The following THSD4 variants were observed in gnomAD, a reference collection of about 807,000 sequenced individuals.
THSD4 encodes thrombospondin type-1 domain-containing protein 4.
Under a neutral mutation model 119.0 loss-of-function variants are expected in THSD4, and 69 were observed. The ratio of observed to expected loss-of-function variants is 0.58; its 90% CI spans 0.48 to 0.71. The LOEUF (loss-of-function observed/expected upper bound fraction) is 0.71. THSD4 is among the 30% of genes least tolerant of loss of function. THSD4 has a pLI of 0.00. For synonymous variants in THSD4, 524 were observed against 540.4 expected (o/e 0.97, Z 0.42); for missense variants, 1,393 against 1,391.1 (o/e 1.00, Z -0.02).
intron 6 of THSD4, among the ~76,000 whole-genome samples, chr15:71,338,719 CT>C (rs1442721026): frequency 6.6e-6 from 1 of 152,084 alleles, no homozygotes; most frequent in Non-Finnish European, 1.5e-5. Context: ...AAAAGACACC[CT>C]TAACTGGCCT....
chr15:71,499,722 A>C (rs2048083056), intron 7 of THSD4, among the ~76,000 whole-genome samples: 1 of 152,170 alleles, frequency 6.6e-6, no homozygotes, highest in Admixed American at 6.5e-5. Context: ...TGGCTACTTT[A>C]AATGCCTCAT....
At chr15:71,106,703 C>T (rs759461812) in intron 1 of THSD4, among the ~76,000 whole-genome samples, 8 of 151,976 alleles carry the variant, frequency 5.3e-5, no homozygotes, top group Non-Finnish European at 8.8e-5. Flanking sequence ...GTAACAAACT[C>T]AAATCTCAGT....
At chr15:71,414,555 A>T (rs2046733419) in intron 7 of THSD4, among the ~76,000 whole-genome samples, 1 of 152,230 alleles carries the variant, frequency 6.6e-6, no homozygotes, top group Non-Finnish European at 1.5e-5. Context: ...TATAGTTAAC[A>T]AAGAGCCAGA....
intron 7 of THSD4, among the ~76,000 whole-genome samples, chr15:71,655,332 G>A (rs1481007007): frequency 2.6e-5 from 4 of 152,084 alleles, no homozygotes; most frequent in African/African-American, 9.7e-5. Context: ...AACCTTGGCC[G>A]ATTTTGTTTT....
intron 7 of THSD4, among the ~76,000 whole-genome samples, chr15:71,447,869 G>C (rs772729908): frequency 6.6e-6 from 1 of 152,138 alleles, no homozygotes; most frequent in Non-Finnish European, 1.5e-5. Context: ...GCATGTCACT[G>C]CATGTTCTCA....
intron 8 of THSD4, among the ~76,000 whole-genome samples, chr15:71,700,258 C>A (rs536356276): frequency 4.6e-5 from 7 of 152,208 alleles, no homozygotes; most frequent in African/African-American, 1.4e-4. Flanking sequence ...ATCAAGTAAA[C>A]ATTTAAAACT....
chr15:71,170,777 G>T (rs530555000), intron 3 of THSD4, among the ~76,000 whole-genome samples: 5 of 152,132 alleles, frequency 3.3e-5, no homozygotes, highest in African/African-American at 1.2e-4. Context: ...TGAAAACAAA[G>T]ATATTAAAAA....
intron 7 of THSD4, chr15:71,547,372 G>T: frequency 6.5e-7 from 1 of 1,548,740 alleles, no homozygotes; most frequent in Non-Finnish European, 8.7e-7. Flanking sequence ...CTTGGCAGAC[G>T]GAGTTCTCCT....
intron 2 of THSD4, among the ~76,000 whole-genome samples, chr15:71,141,765 G>A (rs951851575): frequency 1.1e-4 from 16 of 152,146 alleles, no homozygotes; most frequent in Admixed American, 2.0e-4. Context: ...GCTTGGGGTC[G>A]AAGTCAATCT....
At chr15:71,170,910 A>T (rs751889750) in intron 3 of THSD4, among the ~76,000 whole-genome samples, 1 of 152,188 alleles carries the variant, frequency 6.6e-6, no homozygotes, top group Non-Finnish European at 1.5e-5. Context: ...AATATACTGG[A>T]TGGGATTAAT....
chr15:71,747,144 C>CA lies in THSD4; in HGVS notation c.2241+103dup, dbSNP rs2053356040. 2.2e-6 allele frequency: 3 copies of CA among 1,349,414 alleles called. No homozygotes were observed. The South Asian group carries it at 4.0e-5, about 18-fold the overall frequency. 83.6% of individuals were successfully genotyped at this position (1,349,414 alleles called of 1,614,324 possible). A position where few individuals can be genotyped will look rare whatever the true frequency, so the allele number is the denominator to read the frequency against. On this transcript the variant is annotated intron_variant, in intron 13 of 17. Coordinates refer to ENST00000261862, the MANE Select transcript of THSD4 (RefSeq NM_024817.3). ...CTGAGATGGGTAACCCTGAGTTCCA[C>CA]AGGAGGGAACCCGTCCCGTGGGGGT...
intron 14 of THSD4, among the ~76,000 whole-genome samples, chr15:71,750,876 C>T (rs867885589): frequency 7.9e-5 from 12 of 152,178 alleles, no homozygotes; most frequent in African/African-American, 1.7e-4. Flanking sequence ...CATGGTACTG[C>T]GGAAACAGTG....
intron 8 of THSD4, among the ~76,000 whole-genome samples, chr15:71,704,332 A>AT (rs2052353459): frequency 6.6e-6 from 1 of 152,120 alleles, no homozygotes; most frequent in South Asian, 2.1e-4. Context: ...TAATTCCCAC[A>AT]TGTCGTGGGA....
At chr15:71,339,002 G>A (rs1430234366) in intron 6 of THSD4, among the ~76,000 whole-genome samples, 1 of 152,076 alleles carries the variant, frequency 6.6e-6, no homozygotes, top group Non-Finnish European at 1.5e-5. Flanking sequence ...TTAAAAGCAG[G>A]CTCCTTGCAG....
intron 7 of THSD4, among the ~76,000 whole-genome samples, chr15:71,453,642 A>G (rs146393291): frequency 2.4e-4 from 37 of 152,366 alleles, no homozygotes; most frequent in African/African-American, 7.5e-4. Flanking sequence ...GAATTACACT[A>G]CAACAATGGT....
At chr15:71,511,469 C>G (rs896288640) in intron 7 of THSD4, among the ~76,000 whole-genome samples, 1 of 151,950 alleles carries the variant, frequency 6.6e-6, no homozygotes, top group Non-Finnish European at 1.5e-5. Flanking sequence ...TTCCTTCCTC[C>G]CAGGAAAAAG....
chr15:71,220,856 T>G, intron 4 of THSD4, among the ~76,000 whole-genome samples: 1 of 152,160 alleles, frequency 6.6e-6, no homozygotes, highest in East Asian at 1.9e-4. Flanking sequence ...CTGCCCCTTC[T>G]TAGTGTGGCT....
chr15:71,552,259 C>T (rs1315583714), intron 7 of THSD4, among the ~76,000 whole-genome samples: 2 of 152,200 alleles, frequency 1.3e-5, no homozygotes, highest in Admixed American at 6.5e-5. Flanking sequence ...TCTAGATCTA[C>T]AGTCTTAAGA....
At chr15:71,617,831 T>A (rs1157749865) in intron 7 of THSD4, among the ~76,000 whole-genome samples, 1 of 152,210 alleles carries the variant, frequency 6.6e-6, no homozygotes, top group South Asian at 2.1e-4. Context: ...TGAGCTAAAT[T>A]ACTAACATTT....
Sources: gnomAD v4.1 joint callset for allele counts (sites outside exome capture counted in the v4.1 genomes callset) on GRCh38, gnomAD v4.1.1 for gene constraint, MANE v1.5 for transcripts, NCBI Gene and HGNC (gene_info 2026-07-23, HGNC 2026-07-21) for gene names.